The following SLC6A13 variants were observed in gnomAD, a reference collection of about 807,000 sequenced individuals.
SLC6A13 encodes the protein sodium- and chloride-dependent GABA transporter 2.
Under a neutral mutation model 72.9 loss-of-function variants are expected in SLC6A13, and 69 were observed. The observed-to-expected ratio is 0.95, with a 90% CI of 0.78 to 1.16. The LOEUF is 1.16. Among genes scored for constraint, SLC6A13 ranks in the 50% most tolerant of loss-of-function variants. SLC6A13 has a pLI of 0.00. For synonymous variants in SLC6A13, 303 were observed against 303.0 expected (o/e 1.00, Z 0.00); for missense variants, 735 against 760.5 (o/e 0.97, Z 0.39).
At chr12:234,146 G>T (rs545181521) in intron 7 of SLC6A13, among the ~76,000 whole-genome samples, 1 of 152,042 alleles carries the variant, frequency 6.6e-6, no homozygotes, top group Non-Finnish European at 1.5e-5. Context: ...TGGTCTCTGC[G>T]CCCAGGAGGC....
At chr12:238,816 T>C (rs1942039412) in intron 4 of SLC6A13, among the ~76,000 whole-genome samples, 1 of 152,140 alleles carries the variant, frequency 6.6e-6, no homozygotes, top group Admixed American at 6.5e-5. Flanking sequence ...AGACTGATCC[T>C]TCTGTCACCT....
At chr12:247,269 A>C (rs530464249) in intron 2 of SLC6A13, among the ~76,000 whole-genome samples, 2 of 152,210 alleles carry the variant, frequency 1.3e-5, no homozygotes, top group East Asian at 3.9e-4. Context: ...AAACTAGTCC[A>C]AGGTGCATCA....
chr12:244,540 A>T (rs1362195827), intron 2 of SLC6A13, among the ~76,000 whole-genome samples: 1 of 152,000 alleles, frequency 6.6e-6, no homozygotes, highest in Non-Finnish European at 1.5e-5. Flanking sequence ...AATACAAAAA[A>T]TTATCTGGGC....
chr12:241,087 C>A (rs1942148101), intron 4 of SLC6A13, among the ~76,000 whole-genome samples: 2 of 152,124 alleles, frequency 1.3e-5, no homozygotes, highest in Non-Finnish European at 2.9e-5. Context: ...AGGTGGATCA[C>A]AAGGTCAGGA....
intron 9 of SLC6A13, among the ~76,000 whole-genome samples, chr12:224,943 G>A (rs754994107): frequency 7.2e-5 from 11 of 152,180 alleles, no homozygotes; most frequent in Non-Finnish European, 1.3e-4. Context: ...AGCTCCTCGC[G>A]ATGTTCCGTT....
At position 222,548 on chromosome 12, in the gene SLC6A13, G is replaced by A. The variant is rs1941256534; in HGVS notation, c.1499C>T (p.Thr500Ile). Reference protein sequence around the residue: ...PLIKYCWLFLTPAVCTATFLF... With the variant: ...PLIKYCWLFLIPAVCTATFLF... Reference sequence around the variant, plus strand: ...TGATCTTACTGTGCACACAGCTGGTGTGAGGAAGAGCCAACAGTATTTGAT... The same window carrying A: ...TGATCTTACTGTGCACACAGCTGGTATGAGGAAGAGCCAACAGTATTTGAT... Residue 500 changes from threonine to isoleucine, a missense_variant, in exon 13 of 15, where the codon ACA becomes ATA. Thr to Ile is a moderately conservative substitution (Grantham distance 89). Transcript: ENST00000343164. 1.2e-6 allele frequency: 2 copies of A among 1,605,672 alleles called. No homozygotes were observed. The highest frequency in any genetic ancestry group is 1.1e-5 in the South Asian group (1 of 89,878).
Position 237,173 on chromosome 12 carries a change from C to T in SLC6A13, c.681G>A (p.Val227=), listed in dbSNP as rs775838277. Reference sequence around the variant, plus strand: ...CCACACGAACCTTGCCTGTGGACTTCACCCCCTTCCAGATGCAGAAGTAGC... The same window carrying T: ...CCACACGAACCTTGCCTGTGGACTTTACCCCCTTCCAGATGCAGAAGTAGC... The part of the protein sequence containing the change: ...VICYFCIWKG[V]KSTGKVVYFT... The change falls in exon 6 of 15, where the codon GTG becomes GTA. Residue 227 remains valine (V), a synonymous_variant. Transcript: ENST00000343164. 3 of 1,613,966 alleles carry T rather than the reference C, an allele frequency of 1.9e-6. No individual in the cohort carries two copies. In the African/African-American group the frequency reaches 4.0e-5, roughly 22 times the overall value.
At chr12:259,791 G>A in intron 2 of SLC6A13, 60 bp downstream of exon 2, 1 of 1,614,228 alleles carries the variant, frequency 6.2e-7, no homozygotes, top group Non-Finnish European at 8.5e-7. Flanking sequence ...CGTAAGTGCA[G>A]GAGATGGAAG....
chr12:228,863 C>T (rs1407142940), intron 7 of SLC6A13, among the ~76,000 whole-genome samples: 1 of 152,214 alleles, frequency 6.6e-6, no homozygotes, highest in Non-Finnish European at 1.5e-5. Context: ...GAACCCAGAA[C>T]TCGTATGCTT....
intron 4 of SLC6A13, among the ~76,000 whole-genome samples, chr12:241,888 G>A (rs1320423946): frequency 6.6e-6 from 1 of 152,246 alleles, no homozygotes; most frequent in Non-Finnish European, 1.5e-5. Context: ...CTGTATGGCA[G>A]TGTTCACATT....
At chr12:243,218 T>C (rs1942231414) in intron 3 of SLC6A13, among the ~76,000 whole-genome samples, 1 of 152,206 alleles carries the variant, frequency 6.6e-6, no homozygotes, top group Admixed American at 6.5e-5. Context: ...TTTCACCATG[T>C]TGGCCAGGCT....
chr12:225,697 G>A (rs914046627), intron 9 of SLC6A13, among the ~76,000 whole-genome samples: 6 of 151,054 alleles, frequency 4.0e-5, no homozygotes, highest in Non-Finnish European at 7.4e-5. Flanking sequence ...AGACACTATC[G>A]TTCTTAAAGA....
At chr12:238,438 C>G in intron 4 of SLC6A13, 1 of 731,574 alleles carries the variant, frequency 1.4e-6, no homozygotes, top group Non-Finnish European at 2.1e-6. Flanking sequence ...CGGGTATGAA[C>G]TGTGCAGCTG....
chr12:243,862 G>T (rs774807712), intron 2 of SLC6A13, 49 bp from the exon 3 acceptor site: 1 of 1,590,498 alleles, frequency 6.3e-7, no homozygotes, highest in Middle Eastern at 2.0e-4. Flanking sequence ...TTCTCCTCAT[G>T]GTCTGCATTC....
In SLC6A13 at chr12:244,435, T is replaced by A. The variant is rs181031433; in HGVS notation, c.203-622A>T. The stretch of plus-strand genomic sequence containing the variant: ...CAGGCACAGTGGCTCACGCCTGTAA[T>A]CCCAGCACTTTGGGAGGCTGAGGTG... On this transcript the variant is annotated intron_variant, in intron 2 of 14. Transcript: ENST00000343164. 4.1e-4 allele frequency among the ~76,000 whole-genome samples: 63 copies of A among 152,320 alleles called. 2 individuals are homozygous for A. The East Asian group carries it at 0.011, about 27-fold the overall frequency.
chr12:237,863 C>T (rs1235068914), intron 5 of SLC6A13, 63 bp downstream of exon 5: 1 of 1,247,226 alleles, frequency 8.0e-7, no homozygotes, highest in African/African-American at 1.5e-5. Context: ...TTGGTGTGTA[C>T]TCCTCCCCAT....
At chr12:223,067 G>T in intron 12 of SLC6A13, 65 bp downstream of exon 12, 2 of 1,004,140 alleles carry the variant, frequency 2.0e-6, no homozygotes, top group Non-Finnish European at 3.1e-6. Context: ...TCTGTTTCGT[G>T]TCTAAGGACC....
chr12:233,838 C>T (rs553484789), intron 7 of SLC6A13, among the ~76,000 whole-genome samples: 64 of 152,154 alleles, frequency 4.2e-4, no homozygotes, highest in South Asian at 1.0e-3. Flanking sequence ...CTTATGACCA[C>T]AAACAGCTGC....
chr12:239,095 C>T (rs950007176), intron 4 of SLC6A13, among the ~76,000 whole-genome samples: 1 of 150,100 alleles, frequency 6.7e-6, no homozygotes, highest in Non-Finnish European at 1.5e-5. Context: ...GTTCCCTGCA[C>T]ACGTGGGGTG....
Sources: gnomAD v4.1 joint callset for allele counts (sites outside exome capture counted in the v4.1 genomes callset) on GRCh38, gnomAD v4.1.1 for gene constraint, MANE v1.5 for transcripts, NCBI Gene and HGNC (gene_info 2026-07-23, HGNC 2026-07-21) for gene names.